Variants in ZHX3 observed in about 807,000 individuals in gnomAD.
ZHX3 encodes zinc fingers and homeoboxes protein 3.
Under a neutral mutation model 64.5 loss-of-function variants are expected in ZHX3, and 20 were observed. That is an observed-to-expected ratio of 0.31 (90% CI 0.22 to 0.45). The LOEUF is 0.45. ZHX3 is among the 20% of genes least tolerant of loss of function. The pLI is 1.00. For synonymous variants in ZHX3, 423 were observed against 461.6 expected (o/e 0.92, Z 1.07); for missense variants, 1,041 against 1,195.8 (o/e 0.87, Z 1.91).
intron 3 of ZHX3, among the ~76,000 whole-genome samples, chr20:41,196,399 A>AT (rs1568795910): frequency 0.19 from 7,736 of 41,718 alleles, 798 homozygotes; most frequent in East Asian, 0.44. Context: ...ATATTTATAT[A>AT]TATTATATAT....
intron 1 of ZHX3, among the ~76,000 whole-genome samples, chr20:41,270,569 G>C (rs1340599407): frequency 6.6e-6 from 1 of 151,574 alleles, no homozygotes; most frequent in Admixed American, 6.6e-5. Flanking sequence ...CCAGCTACTC[G>C]GGAGGCTGAG....
At chr20:41,245,798 A>C (rs1392905139) in intron 2 of ZHX3, among the ~76,000 whole-genome samples, 1 of 152,224 alleles carries the variant, frequency 6.6e-6, no homozygotes, top group South Asian at 2.1e-4. Context: ...TAATACAGTA[A>C]TCTTAAGATT....
At chr20:41,283,682 G>A (rs2043801080) in intron 1 of ZHX3, among the ~76,000 whole-genome samples, 1 of 152,076 alleles carries the variant, frequency 6.6e-6, no homozygotes, top group Non-Finnish European at 1.5e-5. Flanking sequence ...ATGTGAACCT[G>A]GGAGGCGGAG....
chr20:41,266,802 C>G (rs989139230), intron 2 of ZHX3, among the ~76,000 whole-genome samples: 9 of 150,932 alleles, frequency 6.0e-5, no homozygotes, highest in Non-Finnish European at 1.0e-4. Flanking sequence ...GCCTCGGCCT[C>G]CCAAAGTGCT....
At chr20:41,223,169 G>C (rs1415097944) in intron 2 of ZHX3, among the ~76,000 whole-genome samples, 1 of 152,198 alleles carries the variant, frequency 6.6e-6, no homozygotes, top group Non-Finnish European at 1.5e-5. Context: ...ATAATATCCT[G>C]AGTTGGCAAG....
intron 3 of ZHX3, among the ~76,000 whole-genome samples, chr20:41,188,263 T>C (rs1294263223): frequency 6.6e-6 from 1 of 152,216 alleles, no homozygotes; most frequent in Non-Finnish European, 1.5e-5. Flanking sequence ...CTAACTGGGA[T>C]AAAATGACAT....
intron 1 of ZHX3, among the ~76,000 whole-genome samples, chr20:41,279,730 C>T (rs142156005): frequency 0.01 from 1,521 of 152,034 alleles, 18 homozygotes; most frequent in Admixed American, 0.031. Context: ...ACTTCTGGGC[C>T]AAAGGGAGGG....
At chr20:41,282,941 C>T (rs2043763380) in intron 1 of ZHX3, among the ~76,000 whole-genome samples, 1 of 152,050 alleles carries the variant, frequency 6.6e-6, no homozygotes, top group Admixed American at 6.6e-5. Context: ...CAGGGTCTTG[C>T]TCTGTCGCCC....
intron 1 of ZHX3, among the ~76,000 whole-genome samples, chr20:41,279,270 T>A (rs972426092): frequency 2.6e-5 from 4 of 152,152 alleles, no homozygotes; most frequent in African/African-American, 9.7e-5. Context: ...TACTTTTACA[T>A]CCTTGTTAGC....
At position 41,185,909 on chromosome 20, in the gene ZHX3, T is replaced by C. The variant is rs1213942143; in HGVS notation, c.2861-708A>G. ...CAAAGGACAGCAACATGTCACTTTG[T>C]GTTGGATTTAGTAGCTGAGGGGAGC... On this transcript the variant is annotated intron_variant, in intron 3 of 3. Transcript: ENST00000683867. The surrounding 1 kb of genome is among the most constrained non-coding windows in gnomAD (Gnocchi z 5.0). 1 of 152,244 alleles carries C rather than the reference T, an allele frequency of 6.6e-6. No homozygotes were observed. The highest frequency in any genetic ancestry group is 2.4e-5 in the African/African-American group (1 of 41,460). 9.4% of individuals were successfully genotyped at this position (152,244 alleles called of 1,614,324 possible).
chr20:41,190,243 C>T lies in ZHX3; in HGVS notation c.2861-5042G>A, dbSNP rs1015483382. On this transcript the variant is annotated intron_variant, in intron 3 of 3. Coordinates refer to ENST00000683867, the MANE Select transcript of ZHX3 (RefSeq NM_001384317.1). ...AGGTGGAAGCACAGGGGTGCAATCT[C>T]GGCTCACTGCAACCTCTGCTTCCTG... Among the ~76,000 whole-genome samples, 12 of 152,312 alleles carry T rather than the reference C, an allele frequency of 7.9e-5. No individual in the cohort carries two copies. In the South Asian group the frequency reaches 2.1e-3, roughly 26 times the overall value.
At chr20:41,310,832 CAG>C (rs2045112833) in intron 1 of ZHX3, among the ~76,000 whole-genome samples, 1 of 100,372 alleles carries the variant, frequency 1.0e-5, no homozygotes. Flanking sequence ...TTTTTTGAGA[CAG>C]AGTCTTGCTC....
At chr20:41,231,756 C>T (rs1233108987) in intron 2 of ZHX3, among the ~76,000 whole-genome samples, 1 of 152,084 alleles carries the variant, frequency 6.6e-6, no homozygotes, top group African/African-American at 2.4e-5. Context: ...AACATATTCA[C>T]TTAGAATCAA....
At chr20:41,231,792 C>T (rs2040621928) in intron 2 of ZHX3, among the ~76,000 whole-genome samples, 1 of 152,106 alleles carries the variant, frequency 6.6e-6, no homozygotes, top group Non-Finnish European at 1.5e-5. Context: ...ACCTCAAATG[C>T]CATAAACAAG....
intron 2 of ZHX3, among the ~76,000 whole-genome samples, chr20:41,267,091 C>T (rs555179024): frequency 1.1e-4 from 16 of 152,206 alleles, no homozygotes; most frequent in Admixed American, 8.5e-4. Context: ...AAGAGATCCA[C>T]CTGCCTTGGC....
intron 1 of ZHX3, among the ~76,000 whole-genome samples, chr20:41,309,982 A>G (rs1197104055): frequency 6.6e-6 from 1 of 152,132 alleles, no homozygotes; most frequent in Non-Finnish European, 1.5e-5. Flanking sequence ...GTCCCTCTCT[A>G]GCCACATCCT....
At chr20:41,310,398 A>G (rs2045096046) in intron 1 of ZHX3, among the ~76,000 whole-genome samples, 1 of 152,138 alleles carries the variant, frequency 6.6e-6, no homozygotes, top group Non-Finnish European at 1.5e-5. Flanking sequence ...TTTCACAGAG[A>G]TGATAACCAC....
intron 1 of ZHX3, among the ~76,000 whole-genome samples, chr20:41,305,646 T>A (rs984517297): frequency 2.0e-5 from 3 of 151,842 alleles, no homozygotes; most frequent in African/African-American, 7.3e-5. Flanking sequence ...TAGCCAGGCG[T>A]GGTGGCGGGC....
At chr20:41,222,128 T>C (rs1395913936) in intron 2 of ZHX3, among the ~76,000 whole-genome samples, 1 of 152,142 alleles carries the variant, frequency 6.6e-6, no homozygotes, top group Non-Finnish European at 1.5e-5. Flanking sequence ...GACATCAATC[T>C]AGGCAGGAGA....
Sources: gnomAD v4.1 joint callset for allele counts (sites outside exome capture counted in the v4.1 genomes callset) on GRCh38, gnomAD v4.1.1 for gene constraint, Gnocchi (gnomAD v3.1) non-coding constraint, MANE v1.5 for transcripts, NCBI Gene and HGNC (gene_info 2026-07-23, HGNC 2026-07-21) for gene names.